Variants in ANK1 observed in about 807,000 individuals in gnomAD.
ANK1 encodes the protein ankyrin-1.
ANK1 carries 51 observed loss-of-function variants against 210.4 expected under a neutral mutation model. That is an observed-to-expected ratio of 0.24 (90% confidence interval 0.19 to 0.31). The LOEUF (loss-of-function observed/expected upper bound fraction) is 0.31. Ranked by LOEUF, ANK1 falls within the 10% of genes least tolerant of loss-of-function variation. The pLI, the probability that ANK1 is intolerant of heterozygous loss-of-function variation, is 1.00. For missense variants in ANK1, 2,051 were observed against 2,504.4 expected, an observed-to-expected ratio of 0.82 and a Z score of 3.86; for synonymous variants, 967 against 1,025.9, an observed-to-expected ratio of 0.94 and a Z score of 1.10.
intron 1 of ANK1, among the ~76,000 whole-genome samples, chr8:41,773,626 T>A (rs890941808): frequency 6.6e-6 from 1 of 152,192 alleles, no homozygotes; most frequent in African/African-American, 2.4e-5. Context: ...GAGATTTTTT[T>A]AAATCCCTCT....
intron 1 of ANK1, among the ~76,000 whole-genome samples, chr8:41,874,543 T>G (rs905819469): frequency 6.6e-6 from 1 of 152,206 alleles, no homozygotes; most frequent in Admixed American, 6.5e-5. Context: ...TCCACTTCTT[T>G]CAGAGTGTGT....
At chr8:41,775,114 G>C (rs531729717) in intron 1 of ANK1, among the ~76,000 whole-genome samples, 3 of 152,140 alleles carry the variant, frequency 2.0e-5, no homozygotes, top group Middle Eastern at 3.4e-3. Flanking sequence ...GAACCCCATG[G>C]CTCCAGAGTT....
chr8:41,754,669 T>G (rs1838643181), intron 2 of ANK1, among the ~76,000 whole-genome samples: 2 of 152,144 alleles, frequency 1.3e-5, no homozygotes, highest in Non-Finnish European at 2.9e-5. Flanking sequence ...AGCAGAAAGC[T>G]CTAGTAGCAT....
At chr8:41,829,535 C>A (rs939976352) in intron 1 of ANK1, 1 of 152,264 alleles carries the variant, frequency 6.6e-6, no homozygotes, top group African/African-American at 2.4e-5. Context: ...TAGTCCCACT[C>A]ACCGTGTAAG....
Position 41,655,488 on chromosome 8 carries a change from C to G in ANK1, c.*302G>C, listed in dbSNP as rs1379255055. 1 of 523,748 alleles carries G rather than the reference C, an allele frequency of 1.9e-6. No individual in the cohort carries two copies. Among genetic ancestry groups the G allele is most frequent in the East Asian group, 3.0e-5 (1 of 33,020 alleles). The allele number at this position is 523,748 out of a possible 1,614,324, so 32.4% of individuals were successfully genotyped here. On this transcript the variant is annotated 3_prime_UTR_variant, in exon 43 of 43. Transcript: ENST00000289734. ...AGGCTCTCCTGCGCTTGTTTTCTAT[C>G]CCTCTCTCTCCCCGCTTCTTGCTGC...
chr8:41,812,508 G>C (rs1802645278), intron 1 of ANK1, among the ~76,000 whole-genome samples: 1 of 152,196 alleles, frequency 6.6e-6, no homozygotes, highest in Non-Finnish European at 1.5e-5. Flanking sequence ...AGTAAAAGTT[G>C]TCTAGAGCAG....
Position 41,719,802 on chromosome 8 carries a change from C to A in ANK1, c.966G>T (p.Arg322=). ...AAQGDHLDCV[R]LLLQYDAEID... Reference sequence around the variant, plus strand: ...TCTCTGCGTCGTATTGCAACAGGAGCCGGACACAGTCGAGGTGGTCTCCCT... The same window carrying A: ...TCTCTGCGTCGTATTGCAACAGGAGACGGACACAGTCGAGGTGGTCTCCCT... Residue 322 remains arginine, a synonymous_variant, in exon 10 of 43, where the codon CGG becomes CGT. Transcript: ENST00000289734. 1 of 1,614,194 alleles carries A rather than the reference C, an allele frequency of 6.2e-7. No homozygotes were observed. The highest frequency in any genetic ancestry group is 8.5e-7 in the Non-Finnish European group (1 of 1,180,032).
chr8:41,768,079 C>G (rs1036623288), intron 1 of ANK1, among the ~76,000 whole-genome samples: 4 of 152,230 alleles, frequency 2.6e-5, no homozygotes, highest in Admixed American at 6.5e-5. Flanking sequence ...GAGGCTGTGT[C>G]CGTGCAGTAA....
At chr8:41,858,044 A>T (rs960127720) in intron 1 of ANK1, among the ~76,000 whole-genome samples, 4 of 152,202 alleles carry the variant, frequency 2.6e-5, no homozygotes, top group Non-Finnish European at 4.4e-5. Flanking sequence ...CCTGGACAAC[A>T]TAGCAAGACC....
intron 1 of ANK1, among the ~76,000 whole-genome samples, chr8:41,764,720 T>C (rs1841362617): frequency 6.6e-6 from 1 of 152,208 alleles, no homozygotes; most frequent in Admixed American, 6.5e-5. Flanking sequence ...TGTGTGCGTG[T>C]TCGGGGATCT....
At chr8:41,834,722 T>A (rs1028225510) in intron 1 of ANK1, among the ~76,000 whole-genome samples, 2 of 152,210 alleles carry the variant, frequency 1.3e-5, no homozygotes, top group Admixed American at 6.5e-5. Context: ...GCGGAGGCCA[T>A]GCAGCAGATG....
At chr8:41,793,332 C>T (rs1848130334) in intron 1 of ANK1, among the ~76,000 whole-genome samples, 1 of 152,210 alleles carries the variant, frequency 6.6e-6, no homozygotes. Flanking sequence ...GTGAGCTATG[C>T]TTGTGCCACT....
At chr8:41,868,892 A>G (rs1025843999) in intron 1 of ANK1, among the ~76,000 whole-genome samples, 1 of 152,242 alleles carries the variant, frequency 6.6e-6, no homozygotes, top group African/African-American at 2.4e-5. Flanking sequence ...AGCAAAGGGA[A>G]TGAAAAAGAT....
rs970424681 is a variant in ANK1, at chr8:41,854,875, G to A, written c.126+41480C>T. Among the ~76,000 whole-genome samples the A allele has an allele frequency of 4.0e-5, 6 of 151,698 alleles. No individual in the cohort carries two copies. The South Asian group carries it at 1.3e-3, about 32-fold the overall frequency. ...TGAGGTGGGAGGATTGCTTGAGCCC[G>A]AGTTGGAGGCTGCAGTGAGCTATAA... On this transcript the variant is annotated intron_variant, in intron 1 of 42. Coordinates refer to the ANK1 transcript ENST00000265709.
chr8:41,887,165 C>T (rs1818590627), intron 1 of ANK1, among the ~76,000 whole-genome samples: 1 of 151,750 alleles, frequency 6.6e-6, no homozygotes, highest in African/African-American at 2.4e-5. Context: ...GGTGGGGCGT[C>T]CTCTGCTTTT....
At chr8:41,877,304 G>A (rs1816771077) in intron 1 of ANK1, among the ~76,000 whole-genome samples, 1 of 152,248 alleles carries the variant, frequency 6.6e-6, no homozygotes, top group East Asian at 1.9e-4. Flanking sequence ...TCCAGGCTGG[G>A]GAAAGGAGCA....
chr8:41,854,251 G>A (rs1587436463), intron 1 of ANK1, among the ~76,000 whole-genome samples: 1 of 152,182 alleles, frequency 6.6e-6, no homozygotes. Flanking sequence ...CATGAAACGA[G>A]GAAATGGGAA....
At chr8:41,841,310 A>T (rs1291194451) in intron 1 of ANK1, among the ~76,000 whole-genome samples, 11 of 152,240 alleles carry the variant, frequency 7.2e-5, no homozygotes, top group Admixed American at 7.2e-4. Flanking sequence ...GCATGATTCC[A>T]CTTAAACGGG....
chr8:41,877,695 T>C (rs1172095160), intron 1 of ANK1, among the ~76,000 whole-genome samples: 2 of 152,172 alleles, frequency 1.3e-5, no homozygotes, highest in South Asian at 2.1e-4. Context: ...AATGATGCGA[T>C]AGAGCAGGTG....
Sources: gnomAD v4.1 joint callset for allele counts (sites outside exome capture counted in the v4.1 genomes callset) on GRCh38, gnomAD v4.1.1 for gene constraint, MANE v1.5 for transcripts, NCBI Gene and HGNC (gene_info 2026-07-23, HGNC 2026-07-21) for gene names.